GNG7: variants seen among roughly 807,000 people sequenced by gnomAD.
GNG7 encodes the protein G protein subunit gamma 7, also known as guanine nucleotide-binding protein G(I)/G(S)/G(O) subunit gamma-7.
GNG7 carries 1 observed loss-of-function variant against 4.0 expected under a neutral mutation model. The ratio of observed to expected loss-of-function variants is 0.25; its 90% CI spans 0.09 to 1.18. The LOEUF is 1.18. GNG7 is among the 50% of genes most tolerant of loss of function. GNG7 has a pLI of 0.50. For synonymous variants in GNG7, 34 were observed against 36.9 expected, an observed-to-expected ratio of 0.92 and a Z score of 0.29; for missense variants, 86 against 91.9, an observed-to-expected ratio of 0.94 and a Z score of 0.26.
chr19:2,678,031 C>A lies in GNG7; in HGVS notation c.-135+24615G>T, dbSNP rs551971761. ...ACTCAAAGGACAAAGCCAGTCCCAA[C>A]CTTTCTAACCCTGCCACCTGTGCTG... On this transcript the variant is annotated intron_variant, in intron 1 of 4. Coordinates refer to ENST00000382159, the MANE Select transcript of GNG7 (RefSeq NM_052847.3). 1.0e-3 allele frequency among the ~76,000 whole-genome samples: 152 copies of A among 152,342 alleles called. 1 individual carries two copies. Among genetic ancestry groups the A allele is most frequent in the African/African-American group, 3.4e-3 (142 of 41,572 alleles).
intron 2 of GNG7, chr19:2,641,838 TA>T (rs1982517263): frequency 6.8e-6 from 1 of 147,966 alleles, no homozygotes; most frequent in African/African-American, 2.5e-5. Flanking sequence ...GTTTTTTTTG[TA>T]TTTTTAGTAG....
At chr19:2,612,943 C>T (rs1299532642) in intron 2 of GNG7, among the ~76,000 whole-genome samples, 1 of 151,978 alleles carries the variant, frequency 6.6e-6, no homozygotes, top group Non-Finnish European at 1.5e-5. Context: ...CCGTCCGCCT[C>T]GGCCTCCCAA....
intron 2 of GNG7, among the ~76,000 whole-genome samples, chr19:2,570,378 C>T (rs138837418): frequency 6.6e-5 from 10 of 152,244 alleles, no homozygotes; most frequent in African/African-American, 2.2e-4. Flanking sequence ...TATAGCAACA[C>T]AAAACAGACT....
intron 2 of GNG7, among the ~76,000 whole-genome samples, chr19:2,621,970 A>G (rs1035104142): frequency 6.6e-6 from 1 of 152,144 alleles, no homozygotes; most frequent in African/African-American, 2.4e-5. Flanking sequence ...CTGTTATGGC[A>G]GCCACAAGAG....
intron 1 of GNG7, among the ~76,000 whole-genome samples, chr19:2,654,215 G>A (rs1427850056): frequency 6.6e-6 from 1 of 152,086 alleles, no homozygotes; most frequent in East Asian, 1.9e-4. Flanking sequence ...TTTCAAACCT[G>A]TCATTTCTTT....
intron 3 of GNG7, among the ~76,000 whole-genome samples, chr19:2,521,549 CA>C (rs1978308574): frequency 6.6e-6 from 1 of 150,862 alleles, no homozygotes; most frequent in African/African-American, 2.4e-5. Context: ...CCATAGTACC[CA>C]GGGGAGACCC....
chr19:2,573,112 G>C (rs369445397), intron 2 of GNG7, among the ~76,000 whole-genome samples: 2 of 146,076 alleles, frequency 1.4e-5, no homozygotes, highest in African/African-American at 5.1e-5. Context: ...TGCAACCTCC[G>C]TCTCCCAGGT....
intron 1 of GNG7, among the ~76,000 whole-genome samples, chr19:2,687,061 CTT>C (rs762806942): frequency 2.0e-4 from 27 of 137,386 alleles, no homozygotes; most frequent in Middle Eastern, 3.8e-3. Flanking sequence ...CACTTTTTTT[CTT>C]TTTTTTTTTT....
chr19:2,597,626 G>T (rs1981062762), intron 2 of GNG7, among the ~76,000 whole-genome samples: 1 of 151,394 alleles, frequency 6.6e-6, no homozygotes, highest in Admixed American at 6.6e-5. Context: ...GCCGAGTGTG[G>T]TGGCTCACAC....
intron 3 of GNG7, chr19:2,538,223 A>C: frequency 2.2e-6 from 1 of 456,782 alleles, no homozygotes; most frequent in Non-Finnish European, 4.4e-6. Flanking sequence ...ATACACGAGC[A>C]TCAGGAATAA....
chr19:2,587,663 G>T (rs1006710794), intron 2 of GNG7, among the ~76,000 whole-genome samples: 1 of 152,072 alleles, frequency 6.6e-6, no homozygotes, highest in South Asian at 2.1e-4. Flanking sequence ...GCTGTAACTC[G>T]AGGCAGCATC....
chr19:2,605,833 C>T (rs1307246296), intron 2 of GNG7, among the ~76,000 whole-genome samples: 1 of 152,036 alleles, frequency 6.6e-6, no homozygotes, highest in East Asian at 1.9e-4. Context: ...CTTATAAGGA[C>T]ATTTGTAATT....
intron 2 of GNG7, among the ~76,000 whole-genome samples, chr19:2,644,261 T>C (rs977728555): frequency 8.2e-6 from 1 of 122,086 alleles, no homozygotes; most frequent in Non-Finnish European, 1.8e-5. Flanking sequence ...CCTCAGGTGA[T>C]CCACCTGCCT....
rs148079119 is a variant in GNG7, at chr19:2,647,242, C to T, written c.-134-962G>A. Among the ~76,000 whole-genome samples, 884 of 152,320 alleles carry T rather than the reference C, an allele frequency of 5.8e-3. 12 individuals are homozygous for T. Among genetic ancestry groups the T allele is most frequent in the African/African-American group, 0.02 (840 of 41,574 alleles). On this transcript the variant is annotated intron_variant, in intron 1 of 4. Coordinates refer to ENST00000382159, the MANE Select transcript of GNG7 (RefSeq NM_052847.3). The stretch of plus-strand genomic sequence containing the variant: ...GGTCAGGCAGCAGGGGCAGCAGAAC[C>T]AGCCCCCATAGGAACGTGGGTGCTG...
chr19:2,698,597 A>G (rs1913328023), intron 1 of GNG7, among the ~76,000 whole-genome samples: 1 of 152,090 alleles, frequency 6.6e-6, no homozygotes, highest in South Asian at 2.1e-4. Flanking sequence ...AAAGAAAAAA[A>G]GAAAGCACCA....
Position 2,543,221 on chromosome 19 carries a change from CT to C in GNG7, c.-38+11927del, listed in dbSNP as rs34642408. Among the ~76,000 whole-genome samples the C allele has an allele frequency of 5.3e-3, 647 of 121,624 alleles. 5 individuals are homozygous for C. The highest frequency in any genetic ancestry group is 9.7e-3 in the Middle Eastern group (2 of 206). The allele number at this position is 121,624 out of a possible 152,430, so 79.8% of individuals were successfully genotyped here. A position where few individuals can be genotyped will look rare whatever the true frequency, so the allele number is the denominator to read the frequency against. ...TGTATGAGACGCCGTGCCTGGCCTC[CT>C]TTTTTTTTTTTTTTTTGACACAGGG... is the stretch of plus-strand genomic sequence containing the variant. On this transcript the variant is annotated intron_variant, in intron 3 of 4. Coordinates refer to ENST00000382159, the MANE Select transcript of GNG7 (RefSeq NM_052847.3).
Position 2,653,573 on chromosome 19 carries a change from G to A in GNG7, c.-134-7293C>T, listed in dbSNP as rs1422783644. Among the ~76,000 whole-genome samples, 2 of 152,150 alleles carry A rather than the reference G, an allele frequency of 1.3e-5. No homozygotes were observed. Among genetic ancestry groups the A allele is most frequent in the African/African-American group, 4.8e-5 (2 of 41,432 alleles). On this transcript the variant is annotated intron_variant, in intron 1 of 4. Coordinates refer to ENST00000382159, the MANE Select transcript of GNG7 (RefSeq NM_052847.3). This position sits in a 1 kb window ranked among gnomAD's most constrained non-coding sequence, Gnocchi z 4.8. Reference sequence around the variant, plus strand: ...TCTATTTTTTTCCAGATGAATGTAGGGTCTCCCCCTCGGCACTGTGGGCAT... The same window carrying A: ...TCTATTTTTTTCCAGATGAATGTAGAGTCTCCCCCTCGGCACTGTGGGCAT...
intron 2 of GNG7, among the ~76,000 whole-genome samples, chr19:2,570,693 C>T (rs1340970916): frequency 6.6e-6 from 1 of 152,200 alleles, no homozygotes; most frequent in Non-Finnish European, 1.5e-5. Context: ...GGAAGGTTTT[C>T]CAGGAGCAGA....
intron 2 of GNG7, among the ~76,000 whole-genome samples, chr19:2,603,267 G>A (rs1376991479): frequency 2.0e-5 from 3 of 152,104 alleles, no homozygotes; most frequent in Non-Finnish European, 2.9e-5. Context: ...GGGTTTCACC[G>A]TGTTAGCCAG....
Sources: allele counts gnomAD v4.1 joint callset (sites outside exome capture counted in the v4.1 genomes callset), GRCh38; gene constraint gnomAD v4.1.1; non-coding constraint Gnocchi (gnomAD v3.1); transcripts MANE v1.5; gene names NCBI Gene and HGNC (gene_info 2026-07-23, HGNC 2026-07-21).